The following VIPAS39 variants were observed in gnomAD, a reference collection of about 807,000 sequenced individuals.
VIPAS39 encodes the protein spermatogenesis-defective protein 39 homolog.
In VIPAS39, 63 loss-of-function variants were observed where a neutral mutation model predicts 84.7. The ratio of observed to expected loss-of-function variants is 0.74; its 90% confidence interval spans 0.61 to 0.92. The LOEUF is 0.92. Ranked by LOEUF, VIPAS39 falls within the 40% of genes least tolerant of loss-of-function variation. The pLI, the probability that VIPAS39 is intolerant of heterozygous loss-of-function variation, is 0.00. For synonymous variants in VIPAS39, 192 were observed against 216.5 expected (o/e 0.89, Z 0.99); for missense variants, 499 against 604.5 (o/e 0.83, Z 1.83).
intron 1 of VIPAS39, among the ~76,000 whole-genome samples, chr14:77,456,277 A>G (rs2078958840): frequency 6.6e-6 from 1 of 152,202 alleles, no homozygotes. Flanking sequence ...CTCAATAGTA[A>G]CTTTTATTAT....
rs138281903 is a variant in VIPAS39 at position 77,431,212 on chromosome 14, A to G, written c.1180-1445T>C. On this transcript the variant is annotated intron_variant, in intron 16 of 19. Coordinates refer to ENST00000557658, the MANE Select transcript of VIPAS39 (RefSeq NM_001193315.2). ...ATTACATCAAACTAAAAAGCTGCGC[A>G]TGGCAAAGGAAACAATCAAAATGAA... Among the ~76,000 whole-genome samples, 162 of 152,374 alleles carry G rather than the reference A, an allele frequency of 1.1e-3. 1 individual carries two copies. Among genetic ancestry groups the G allele is most frequent in the African/African-American group, 3.7e-3 (152 of 41,594 alleles).
Position 77,428,450 on chromosome 14 carries a change from G to C in VIPAS39, c.1381C>G (p.Gln461Glu). The change falls in exon 19 of 20, where the codon CAA (glutamine) becomes GAA (glutamate). Residue 461 changes from glutamine (Q) to glutamate (E), a missense_variant. By Grantham distance (29) the Gln-to-Glu change is conservative (BLOSUM62 2). Coordinates refer to ENST00000557658, the MANE Select transcript of VIPAS39 (RefSeq NM_001193315.2). ...TTACTCCTGTATGCTAGCAACTGTT[G>C]ACGATCCTTCAGGTCCCGGTAGGTC... ...IDTYRDLKDRQQLLAYRSKVD... is the reference protein window; with the variant it reads ...IDTYRDLKDREQLLAYRSKVD... 1 of 1,613,984 alleles carries C rather than the reference G, an allele frequency of 6.2e-7. No homozygotes were observed. The highest frequency in any genetic ancestry group is 8.5e-7 in the Non-Finnish European group (1 of 1,179,970).
At chr14:77,456,680 T>C (rs2078965807) in intron 1 of VIPAS39, among the ~76,000 whole-genome samples, 1 of 152,240 alleles carries the variant, frequency 6.6e-6, no homozygotes, top group Non-Finnish European at 1.5e-5. Flanking sequence ...AGATCATTCC[T>C]TCACTATAGT....
In VIPAS39 at chr14:77,426,999, G is replaced by A. The variant is rs1484382811; in HGVS notation, c.*617C>T. ...TCATCACCCAAGCAAGGTCGTCTGTGTTCAAGTGAGAGAAGAACCTTAGGG... is the reference window on the plus strand; with the variant it reads ...TCATCACCCAAGCAAGGTCGTCTGTATTCAAGTGAGAGAAGAACCTTAGGG... On this transcript the variant is annotated 3_prime_UTR_variant, in exon 20 of 20. Coordinates refer to ENST00000557658, the MANE Select transcript of VIPAS39 (RefSeq NM_001193315.2). 1 of 153,394 alleles carries A rather than the reference G, an allele frequency of 6.5e-6. No homozygotes were observed. The highest frequency in any genetic ancestry group is 2.4e-5 in the African/African-American group (1 of 41,448). The allele number at this position is 153,394 out of a possible 1,614,324, so 9.5% of individuals were successfully genotyped here.
intron 11 of VIPAS39, among the ~76,000 whole-genome samples, chr14:77,440,064 T>G (rs575465529): frequency 6.6e-6 from 1 of 152,242 alleles, no homozygotes; most frequent in Non-Finnish European, 1.5e-5. Context: ...TTAAATTTTT[T>G]TTTAGAGATG....
chr14:77,438,015 G>C (rs941870561), intron 11 of VIPAS39, 134 bp from the exon 12 acceptor site: 3 of 810,244 alleles, frequency 3.7e-6, no homozygotes, highest in Non-Finnish European at 4.1e-6. Context: ...GGAGGCGGGT[G>C]GGGGGATAGG....
In VIPAS39 at chr14:77,457,164, C is replaced by A; in HGVS notation, c.-1+331G>T. 3.5e-6 allele frequency: 5 copies of A among 1,448,206 alleles called. No individual in the cohort carries two copies. In the South Asian group the frequency reaches 7.2e-5, roughly 21 times the overall value. 89.7% of individuals were successfully genotyped at this position (1,448,206 alleles called of 1,614,324 possible). A position where few individuals can be genotyped will look rare whatever the true frequency, so the allele number is the denominator to read the frequency against. On this transcript the variant is annotated intron_variant, in intron 1 of 19. Transcript: ENST00000557658. ...TACAGGTGAGGCTTGTGAACTGAGA[C>A]CAGGGAACAAGAGTTAAGCTAGGAT...
At chr14:77,442,979 T>C in intron 9 of VIPAS39, 140 bp downstream of exon 9, 1 of 1,115,522 alleles carries the variant, frequency 9.0e-7, no homozygotes. Flanking sequence ...ATGTGATTTG[T>C]GCTCTGAAGT....
At chr14:77,450,144 C>T (rs989179222) in intron 4 of VIPAS39, among the ~76,000 whole-genome samples, 2 of 152,198 alleles carry the variant, frequency 1.3e-5, no homozygotes, top group Non-Finnish European at 2.9e-5. Flanking sequence ...CCCTCCACCC[C>T]AGCTCTTGGT....
At chr14:77,449,062 G>C (rs941195333) in intron 6 of VIPAS39, among the ~76,000 whole-genome samples, 5 of 152,188 alleles carry the variant, frequency 3.3e-5, no homozygotes, top group African/African-American at 1.2e-4. Context: ...TAATGAGTAA[G>C]CAAAGTATGG....
At chr14:77,440,759 C>G (rs1310229575) in intron 11 of VIPAS39, among the ~76,000 whole-genome samples, 1 of 152,148 alleles carries the variant, frequency 6.6e-6, no homozygotes, top group African/African-American at 2.4e-5. Context: ...CACTCTGTTG[C>G]CCAGGCTGGA....
At chr14:77,443,003 A>G in intron 9 of VIPAS39, 116 bp downstream of exon 9, 1 of 1,413,460 alleles carries the variant, frequency 7.1e-7, no homozygotes, top group Non-Finnish European at 1.0e-6. Context: ...AGGCCACCCC[A>G]CTTGTCTCTG....
intron 14 of VIPAS39, among the ~76,000 whole-genome samples, chr14:77,434,529 G>A (rs2078574103): frequency 6.6e-6 from 1 of 152,068 alleles, no homozygotes; most frequent in African/African-American, 2.4e-5. Flanking sequence ...CCCATTTTCT[G>A]CTAATCCAAA....
At position 77,427,481 on chromosome 14, in the gene VIPAS39, C is replaced by G; in HGVS notation, c.*135G>C. The G allele has an allele frequency of 9.8e-7, 1 of 1,021,468 alleles. No individual in the cohort carries two copies. The highest frequency in any genetic ancestry group is 1.5e-6 in the Non-Finnish European group (1 of 655,122). The allele number at this position is 1,021,468 out of a possible 1,614,324, so 63.3% of individuals were successfully genotyped here. ...AAGATCAGTCTGAAGTTATCTGTGT[C>G]AAGAGTAGCTGGCACTGCCCATGGG... On this transcript the variant is annotated 3_prime_UTR_variant, in exon 20 of 20. Transcript: ENST00000557658.
Position 77,454,048 on chromosome 14 carries a change from C to G in VIPAS39, c.55G>C (p.Ala19Pro), listed in dbSNP as rs780933044. 9.3e-6 allele frequency: 15 copies of G among 1,614,062 alleles called. No individual in the cohort carries two copies. Among genetic ancestry groups the G allele is most frequent in the Non-Finnish European group, 1.0e-5 (12 of 1,180,040 alleles). The change falls in exon 2 of 20, where the codon GCT becomes CCT. Residue 19 changes from alanine to proline, a missense_variant. Ala to Pro is a conservative substitution (Grantham distance 27). Transcript: ENST00000557658. Reference sequence around the variant, plus strand: ...TCGTCTTCATCGTCAAAGGTAAAAGCCTTGAACTTGGAGCTGTTCCAATAC... The same window carrying G: ...TCGTCTTCATCGTCAAAGGTAAAAGGCTTGAACTTGGAGCTGTTCCAATAC... ...EEYWNSSKFK[A>P]FTFDDEDDEL... is the part of the protein sequence containing the mutation.
chr14:77,434,533 A>G (rs2078574205), intron 14 of VIPAS39, among the ~76,000 whole-genome samples: 1 of 152,184 alleles, frequency 6.6e-6, no homozygotes. Context: ...TTTTCTGCTA[A>G]TCCAAATAAG....
At chr14:77,439,513 G>A (rs1281800081) in intron 11 of VIPAS39, among the ~76,000 whole-genome samples, 2 of 152,180 alleles carry the variant, frequency 1.3e-5, no homozygotes, top group African/African-American at 4.8e-5. Flanking sequence ...TGAGCCAGGT[G>A]AGGTGGTTCA....
chr14:77,441,583 G>A (rs1304729630), intron 10 of VIPAS39, among the ~76,000 whole-genome samples: 2 of 152,178 alleles, frequency 1.3e-5, no homozygotes, highest in Non-Finnish European at 2.9e-5. Context: ...TGGAGGTGAT[G>A]CCTGATAAAG....
chr14:77,448,756 T>C (rs1001666471), intron 6 of VIPAS39, among the ~76,000 whole-genome samples: 12 of 152,246 alleles, frequency 7.9e-5, no homozygotes, highest in Non-Finnish European at 1.5e-4. Context: ...TAGGAGGAGA[T>C]GGATCAAAGA....
Sources: gnomAD v4.1 joint callset for allele counts (sites outside exome capture counted in the v4.1 genomes callset) on GRCh38, gnomAD v4.1.1 for gene constraint, MANE v1.5 for transcripts, NCBI Gene and HGNC (gene_info 2026-07-23, HGNC 2026-07-21) for gene names.